MIGA1: variants seen among roughly 807,000 people sequenced by gnomAD.
The protein encoded by MIGA1 is mitoguardin 1.
In MIGA1, 58 loss-of-function variants were observed where a neutral mutation model predicts 82.0. The observed-to-expected ratio is 0.71, with a 90% CI of 0.57 to 0.88. The LOEUF is 0.88. MIGA1 is among the 40% of genes least tolerant of loss of function. The pLI, the probability that MIGA1 is intolerant of heterozygous loss-of-function variation, is 0.00. For missense variants in MIGA1, 751 were observed against 749.1 expected (o/e 1.00, Z -0.03); for synonymous variants, 249 against 253.6 (o/e 0.98, Z 0.17).
chr1:77,797,755 G>C (rs1682719679), intron 2 of MIGA1, among the ~76,000 whole-genome samples: 1 of 151,948 alleles, frequency 6.6e-6, no homozygotes, highest in Admixed American at 6.6e-5. Context: ...AATTCCGGTT[G>C]CTTATTGCTT....
intron 2 of MIGA1, among the ~76,000 whole-genome samples, chr1:77,795,602 G>A (rs1280812796): frequency 6.6e-6 from 1 of 150,524 alleles, no homozygotes; most frequent in Non-Finnish European, 1.5e-5. Context: ...AGAGGTGTGA[G>A]CCACCATGCT....
chr1:77,846,605 A>T (rs2101899165), intron 8 of MIGA1, among the ~76,000 whole-genome samples: 1 of 149,940 alleles, frequency 6.7e-6, no homozygotes, highest in South Asian at 2.3e-4. Context: ...AAGTGCTGGG[A>T]TTATAGGTGT....
At chr1:77,833,182 C>T (rs527829341) in intron 7 of MIGA1, among the ~76,000 whole-genome samples, 1 of 152,278 alleles carries the variant, frequency 6.6e-6, no homozygotes, top group East Asian at 1.9e-4. Context: ...CCTGCAGAAT[C>T]ATTGTGGTTG....
intron 8 of MIGA1, among the ~76,000 whole-genome samples, chr1:77,852,196 T>C (rs968183471): frequency 3.3e-5 from 5 of 152,120 alleles, no homozygotes; most frequent in Non-Finnish European, 5.9e-5. Flanking sequence ...CCAGTTTACT[T>C]CTTAGGATTT....
chr1:77,862,162 A>G (rs540008903), intron 12 of MIGA1: 1 of 122,462 alleles, frequency 8.2e-6, no homozygotes, highest in South Asian at 2.6e-4. Context: ...AGATATAGAT[A>G]TTGGTCAGGC....
intron 7 of MIGA1, among the ~76,000 whole-genome samples, chr1:77,836,157 C>T (rs1684416593): frequency 6.6e-6 from 1 of 151,834 alleles, no homozygotes; most frequent in Non-Finnish European, 1.5e-5. Context: ...TCAATAATCT[C>T]CCGAGAACTG....
intron 7 of MIGA1, among the ~76,000 whole-genome samples, chr1:77,823,782 A>G (rs1293003524): frequency 6.6e-6 from 1 of 152,260 alleles, no homozygotes; most frequent in East Asian, 1.9e-4. Flanking sequence ...TCTAGGCTGG[A>G]CAAAATTTTT....
intron 7 of MIGA1, among the ~76,000 whole-genome samples, chr1:77,841,556 T>C (rs1684626872): frequency 6.6e-6 from 1 of 150,934 alleles, no homozygotes; most frequent in Non-Finnish European, 1.5e-5. Flanking sequence ...TGAAGCCAGA[T>C]TGATGCTTTG....
chr1:77,793,715 T>A (rs368759944), intron 2 of MIGA1, among the ~76,000 whole-genome samples: 4 of 149,980 alleles, frequency 2.7e-5, no homozygotes, highest in African/African-American at 9.8e-5. Flanking sequence ...TCTGCCCACC[T>A]CAGCCTCCCA....
chr1:77,873,354 A>G (rs1646864676), intron 15 of MIGA1, among the ~76,000 whole-genome samples: 1 of 152,214 alleles, frequency 6.6e-6, no homozygotes, highest in Admixed American at 6.5e-5. Flanking sequence ...ATTCTGGAGT[A>G]GACTCAGCAT....
At chr1:77,780,462 G>T (rs1416289658) in intron 1 of MIGA1, among the ~76,000 whole-genome samples, 1 of 152,178 alleles carries the variant, frequency 6.6e-6, no homozygotes, top group African/African-American at 2.4e-5. Context: ...TGTTTGCTCT[G>T]TTCAAAGTGT....
intron 7 of MIGA1, among the ~76,000 whole-genome samples, chr1:77,818,835 T>C (rs1044771432): frequency 1.3e-5 from 2 of 151,978 alleles, no homozygotes; most frequent in African/African-American, 4.8e-5. Flanking sequence ...ATTCCAGCAC[T>C]TTGGGAGGCT....
chr1:77,861,422 C>A, intron 12 of MIGA1, 100 bp downstream of exon 12: 1 of 781,368 alleles, frequency 1.3e-6, no homozygotes, highest in Non-Finnish European at 2.1e-6. Context: ...TAAATAAAGC[C>A]AATTGTATGG....
chr1:77,780,115 C>A (rs1425891552), intron 1 of MIGA1: 2 of 1,002,238 alleles, frequency 2.0e-6, no homozygotes, highest in Non-Finnish European at 2.4e-6. Flanking sequence ...TTCTGGTGTT[C>A]TTGGCAAAGA....
chr1:77,840,577 C>A (rs973817593), intron 7 of MIGA1, among the ~76,000 whole-genome samples: 1 of 152,110 alleles, frequency 6.6e-6, no homozygotes, highest in Non-Finnish European at 1.5e-5. Context: ...GAGGCGGAGG[C>A]GGAGGCGGGC....
At chr1:77,821,718 C>T (rs1570960445) in intron 7 of MIGA1, among the ~76,000 whole-genome samples, 1 of 152,108 alleles carries the variant, frequency 6.6e-6, no homozygotes, top group Admixed American at 6.6e-5. Context: ...TTTGATTTGA[C>T]ATCTAACGTA....
At chr1:77,806,818 G>A (rs1439154967) in intron 4 of MIGA1, among the ~76,000 whole-genome samples, 157 bp from the exon 5 acceptor site, 4 of 152,088 alleles carry the variant, frequency 2.6e-5, no homozygotes. Flanking sequence ...TGATTTCTAA[G>A]TTTGATTGAT....
chr1:77,859,583 A>C, intron 10 of MIGA1, 197 bp downstream of exon 10: 3 of 516,142 alleles, frequency 5.8e-6, no homozygotes, highest in East Asian at 2.9e-5. Flanking sequence ...ATCCTCTCCC[A>C]TGGCTTCCCA....
chr1:77,843,375 G>A lies in MIGA1; in HGVS notation c.964G>A (p.Ala322Thr). ...TGGCCTGCGAGACACCTTGAGCATC[G>A]CATCCACGGATTCCTTTGCTTCCGC... The change falls in exon 8 of 16, where the codon GCA (alanine) becomes ACA (threonine). Residue 322 changes from alanine (A) to threonine (T), a missense_variant. Physicochemically the swap from Ala to Thr is moderately conservative, Grantham distance 58 (BLOSUM62 0). Transcript: ENST00000370791. 2.5e-6 allele frequency: 4 copies of A among 1,613,768 alleles called. No individual in the cohort carries two copies. The highest frequency in any genetic ancestry group is 2.5e-6 in the Non-Finnish European group (3 of 1,179,722).
Sources: allele counts gnomAD v4.1 joint callset (sites outside exome capture counted in the v4.1 genomes callset), GRCh38; gene constraint gnomAD v4.1.1; transcripts MANE v1.5; gene names NCBI Gene and HGNC (gene_info 2026-07-23, HGNC 2026-07-21).